CFAP54: variants seen among roughly 807,000 people sequenced by gnomAD.
CFAP54 encodes the protein cilia- and flagella-associated protein 54.
In CFAP54, 290 loss-of-function variants were observed where a neutral mutation model predicts 370.4. That is an observed-to-expected ratio of 0.78 (90% CI 0.71 to 0.86). CFAP54 has a LOEUF of 0.86. CFAP54 is among the 40% of genes least tolerant of loss of function. The pLI, the probability that CFAP54 is intolerant of heterozygous loss-of-function variation, is 0.00. For synonymous variants in CFAP54, 1,206 were observed against 1,236.5 expected, an observed-to-expected ratio of 0.98 and a Z score of 0.52; for missense variants, 3,399 against 3,528.7, an observed-to-expected ratio of 0.96 and a Z score of 0.93.
intron 26 of CFAP54, among the ~76,000 whole-genome samples, chr12:96,615,815 A>G (rs1956410390): frequency 6.6e-6 from 1 of 152,240 alleles, no homozygotes; most frequent in Non-Finnish European, 1.5e-5. Context: ...ACAATGAGAT[A>G]CCATCTCACA....
intron 39 of CFAP54, 136 bp from the exon 40 acceptor site, chr12:96,679,464 G>T: frequency 1.3e-6 from 1 of 761,696 alleles, no homozygotes; most frequent in Non-Finnish European, 1.9e-6. Flanking sequence ...TGAAACACCT[G>T]CTGCAGATCT....
chr12:96,528,608 A>G (rs1955407924), intron 9 of CFAP54, among the ~76,000 whole-genome samples: 1 of 152,164 alleles, frequency 6.6e-6, no homozygotes, highest in South Asian at 2.1e-4. Context: ...TGATGAATTC[A>G]ATTTCCTCCA....
At chr12:96,842,909 G>A (rs1959236791) in intron 66 of CFAP54, among the ~76,000 whole-genome samples, 1 of 152,218 alleles carries the variant, frequency 6.6e-6, no homozygotes, top group South Asian at 2.1e-4. Context: ...GTAAGTTATA[G>A]ATTTTACTAG....
chr12:96,817,082 G>A (rs77114874), intron 64 of CFAP54, among the ~76,000 whole-genome samples: 5,198 of 150,492 alleles, frequency 0.035, 110 homozygotes, highest in Non-Finnish European at 0.054. Context: ...GCAGGTCAGC[G>A]GATAGTCAGA....
intron 44 of CFAP54, among the ~76,000 whole-genome samples, chr12:96,693,467 T>C (rs1252416390): frequency 6.6e-6 from 1 of 152,178 alleles, no homozygotes; most frequent in Non-Finnish European, 1.5e-5. Flanking sequence ...TAAAGAGATG[T>C]GCAACCTAGG....
rs780407651 is a variant in CFAP54, at chr12:96,786,712, T to G, written c.8493T>G (p.Asp2831Glu). The G allele has an allele frequency of 1.4e-5, 21 of 1,535,336 alleles. No individual in the cohort carries two copies. The South Asian group carries it at 2.0e-4, about 15-fold the overall frequency. ...CAGTATCTGGAATTTCTTTGCCAGA[T>G]GATACACTTCTCACATCCCTTTACA... ...ATPVSGISLPDDTLLTSLYNS... is the reference protein window; with the variant it reads ...ATPVSGISLPEDTLLTSLYNS... Residue 2831 changes from aspartate (D) to glutamate (E), a missense_variant, in exon 62 of 68, where the codon GAT (aspartate) becomes GAG (glutamate). Physicochemically the swap from Asp to Glu is conservative, Grantham distance 45. Coordinates refer to ENST00000524981, the MANE Select transcript of CFAP54 (RefSeq NM_001306084.2).
intron 55 of CFAP54, among the ~76,000 whole-genome samples, chr12:96,750,447 G>A (rs1958169962): frequency 6.6e-6 from 1 of 152,158 alleles, no homozygotes; most frequent in African/African-American, 2.4e-5. Flanking sequence ...ATTGTTATAT[G>A]TTGATGATCA....
intron 33 of CFAP54, among the ~76,000 whole-genome samples, chr12:96,647,472 CAAAAAAAAAAA>C (rs57089692): frequency 9.8e-5 from 4 of 40,756 alleles, no homozygotes; most frequent in Admixed American, 5.1e-4. Context: ...GACTCTGTCC[CAAAAAAAAAAA>C]AAAAAAAAAA....
chr12:96,587,957 T>C (rs1956089075), intron 22 of CFAP54, among the ~76,000 whole-genome samples: 6 of 152,192 alleles, frequency 3.9e-5, no homozygotes, highest in African/African-American at 9.6e-5. Flanking sequence ...TGTTCTGGTT[T>C]CCTCATTCAC....
At chr12:96,869,771 A>G (rs1014841553) in intron 67 of CFAP54, among the ~76,000 whole-genome samples, 1 of 151,856 alleles carries the variant, frequency 6.6e-6, no homozygotes, top group Non-Finnish European at 1.5e-5. Flanking sequence ...CCCTGTCTCT[A>G]CTAAAAATAC....
At chr12:96,833,909 A>G (rs1315861988) in intron 66 of CFAP54, among the ~76,000 whole-genome samples, 2 of 152,320 alleles carry the variant, frequency 1.3e-5, no homozygotes, top group East Asian at 1.9e-4. Context: ...CAAGAGCCCT[A>G]TGACATTGGT....
chr12:96,539,063 G>GT (rs1565889464), intron 13 of CFAP54, among the ~76,000 whole-genome samples: 1,278 of 102,084 alleles, frequency 0.013, 32 homozygotes, highest in African/African-American at 0.044. Context: ...GGCCTTTTCA[G>GT]GTTTTTTTTT....
chr12:96,590,436 G>A (rs192572366), intron 23 of CFAP54, among the ~76,000 whole-genome samples: 1 of 152,148 alleles, frequency 6.6e-6, no homozygotes, highest in Non-Finnish European at 1.5e-5. Flanking sequence ...AAAGCAACAA[G>A]AATCTCCCTC....
rs751764663 is a variant in CFAP54 at position 96,785,698 on chromosome 12, A to AGT, written c.8455+809_8455+810dup. 2.4e-3 allele frequency among the ~76,000 whole-genome samples: 373 copies of AGT among 152,314 alleles called. 5 individuals carry two copies. The highest frequency in any genetic ancestry group is 1.2e-3 in the Non-Finnish European group (82 of 68,022). On this transcript the variant is annotated intron_variant, in intron 61 of 67. Coordinates refer to ENST00000524981, the MANE Select transcript of CFAP54 (RefSeq NM_001306084.2). ...CCTGGTGATCCCTTGCCCCTCAGCC[A>AGT]GTCTGCTCACCTCTGAATTCACCTG...
chr12:96,568,316 G>A (rs1955882174), intron 19 of CFAP54, among the ~76,000 whole-genome samples: 1 of 151,824 alleles, frequency 6.6e-6, no homozygotes, highest in Admixed American at 6.6e-5. Context: ...TGAGTATAAT[G>A]TCCTATTAGG....
intron 66 of CFAP54, among the ~76,000 whole-genome samples, chr12:96,860,274 T>C (rs1959845600): frequency 6.6e-6 from 1 of 152,148 alleles, no homozygotes; most frequent in Non-Finnish European, 1.5e-5. Context: ...TCCGTCATTT[T>C]TGTTCTCTCT....
chr12:96,527,338 T>C lies in CFAP54; in HGVS notation c.1251T>C (p.Ser417=). Residue 417 remains serine, a synonymous_variant, in exon 9 of 68, where the codon TCT becomes TCC. Transcript: ENST00000524981. The stretch of plus-strand genomic sequence containing the variant: ...TTCTGGCTGTCTTGGAAGCTCTTTC[T>C]GATTCAAATAGGCGAATACTGCAAA... The part of the protein sequence containing the change: ...SQFLAVLEAL[S]DSNRRILQTG... 6.5e-7 allele frequency: 1 copy of C among 1,536,074 alleles called. No homozygotes were observed. Among genetic ancestry groups the C allele is most frequent in the South Asian group, 1.2e-5 (1 of 84,030 alleles).
chr12:96,645,422 A>G (rs140568459), intron 33 of CFAP54: 8,482 of 249,774 alleles, frequency 0.034, 176 homozygotes, highest in Middle Eastern at 0.057. Flanking sequence ...AAGGAGAACT[A>G]CAAACCACTG....
Position 96,630,880 on chromosome 12 carries a change from T to G in CFAP54, c.4316+229T>G, listed in dbSNP as rs571255199. Among the ~76,000 whole-genome samples the G allele has an allele frequency of 1.4e-4, 22 of 152,094 alleles. No homozygotes were observed. The South Asian group carries it at 4.6e-3, about 32-fold the overall frequency. ...AAGTAAATGAACTAATATAGAATAT[T>G]TGGCTTGGCATGAAGGTGGTGGTGG... On this transcript the variant is annotated intron_variant, in intron 32 of 67. Coordinates refer to ENST00000524981, the MANE Select transcript of CFAP54 (RefSeq NM_001306084.2).
Sources: allele counts gnomAD v4.1 joint callset (sites outside exome capture counted in the v4.1 genomes callset), GRCh38; gene constraint gnomAD v4.1.1; transcripts MANE v1.5; gene names NCBI Gene and HGNC (gene_info 2026-07-23, HGNC 2026-07-21).